The following PXYLP1 variants were observed in gnomAD, a reference collection of about 807,000 sequenced individuals.
PXYLP1 encodes 2-phosphoxylose phosphatase 1, also known as acid phosphatase-like 2.
Under a neutral mutation model 37.9 loss-of-function variants are expected in PXYLP1, and 17 were observed. That is an observed-to-expected ratio of 0.45 (90% CI 0.31 to 0.67). The LOEUF is 0.67. PXYLP1 is among the 30% of genes least tolerant of loss of function. The pLI is 0.07. For synonymous variants in PXYLP1, 221 were observed against 232.2 expected, an observed-to-expected ratio of 0.95 and a Z score of 0.44; for missense variants, 511 against 612.0, an observed-to-expected ratio of 0.84 and a Z score of 1.74.
At chr3:141,276,291 A>G (rs1941793532) in intron 2 of PXYLP1, among the ~76,000 whole-genome samples, 1 of 152,212 alleles carries the variant, frequency 6.6e-6, no homozygotes, top group South Asian at 2.1e-4. Context: ...TTCACACCCC[A>G]TTCCATCCTT....
chr3:141,249,172 C>T (rs1432953335), intron 1 of PXYLP1, among the ~76,000 whole-genome samples: 1 of 152,168 alleles, frequency 6.6e-6, no homozygotes, highest in Non-Finnish European at 1.5e-5. Flanking sequence ...GCAGTGATAA[C>T]AAGCTACAGG....
intron 1 of PXYLP1, among the ~76,000 whole-genome samples, chr3:141,232,774 C>T (rs546275795): frequency 2.0e-5 from 3 of 152,342 alleles, no homozygotes; most frequent in South Asian, 2.1e-4. Flanking sequence ...AAAGGATTCA[C>T]GGTGCAGGAC....
At chr3:141,257,814 G>T (rs113814230) in intron 1 of PXYLP1, among the ~76,000 whole-genome samples, 1 of 143,576 alleles carries the variant, frequency 7.0e-6, no homozygotes, top group Admixed American at 7.6e-5. Context: ...TGAAGCAGGA[G>T]AATCACTTGA....
At chr3:141,274,838 G>C (rs1410504770) in intron 2 of PXYLP1, among the ~76,000 whole-genome samples, 2 of 152,174 alleles carry the variant, frequency 1.3e-5, no homozygotes, top group African/African-American at 4.8e-5. Context: ...CTTCCTGGAG[G>C]AGGTGACCCT....
At position 141,236,920 on chromosome 3, in the gene PXYLP1, G is replaced by T. The variant is rs191272574; in HGVS notation, c.-54+5009G>T. Among the ~76,000 whole-genome samples, 63 of 152,194 alleles carry T rather than the reference G, an allele frequency of 4.1e-4. 2 individuals are homozygous for T. In the East Asian group the frequency reaches 0.012, roughly 28 times the overall value. ...AAGTATAGAAAATTTGGCAAGTATA[G>T]ATTAATAAGTATATAATATTTTATG... On this transcript the variant is annotated intron_variant, in intron 1 of 5. Coordinates refer to ENST00000286353, the MANE Select transcript of PXYLP1 (RefSeq NM_001037172.3).
At chr3:141,238,371 G>C (rs1940709179) in intron 1 of PXYLP1, among the ~76,000 whole-genome samples, 1 of 152,252 alleles carries the variant, frequency 6.6e-6, no homozygotes, top group East Asian at 1.9e-4. Context: ...CCATCACGGA[G>C]CTGGCACGGC....
intron 5 of PXYLP1, among the ~76,000 whole-genome samples, chr3:141,288,182 G>A (rs569591372): frequency 1.3e-5 from 2 of 152,302 alleles, no homozygotes; most frequent in East Asian, 1.9e-4. Flanking sequence ...AGGAACAGGT[G>A]GTCCTTCAAG....
chr3:141,282,698 G>C (rs189153076), intron 4 of PXYLP1, among the ~76,000 whole-genome samples: 2 of 152,372 alleles, frequency 1.3e-5, no homozygotes, highest in African/African-American at 2.4e-5. Context: ...CTGAAACTCA[G>C]AAGTGGCAGC....
chr3:141,274,578 T>A (rs149537925), intron 2 of PXYLP1: 1 of 983,504 alleles, frequency 1.0e-6, no homozygotes, highest in African/African-American at 1.6e-5. Context: ...GTCAATGAGA[T>A]ATTTCATCAA....
At chr3:141,286,171 T>C (rs1242012384) in intron 4 of PXYLP1, among the ~76,000 whole-genome samples, 1 of 152,196 alleles carries the variant, frequency 6.6e-6, no homozygotes, top group African/African-American at 2.4e-5. Context: ...TATACATTCA[T>C]AGGCTACTTC....
Position 141,294,344 on chromosome 3 carries a change from A to G in PXYLP1, c.*1139A>G, listed in dbSNP as rs1425557252. ...TTTGACAAGCTGTAGAACTGGATTCATTTTTAAACCATTTTCATCAGTTTC... is the reference window on the plus strand; with the variant it reads ...TTTGACAAGCTGTAGAACTGGATTCGTTTTTAAACCATTTTCATCAGTTTC... On this transcript the variant is annotated 3_prime_UTR_variant, in exon 6 of 6. Transcript: ENST00000286353. The G allele has an allele frequency of 6.6e-6, 1 of 152,180 alleles. No homozygotes were observed. Among genetic ancestry groups the G allele is most frequent in the African/African-American group, 2.4e-5 (1 of 41,458 alleles). The allele number at this position is 152,180 out of a possible 1,614,324, so 9.4% of individuals were successfully genotyped here.
chr3:141,286,645 G>A (rs1406682578), intron 4 of PXYLP1, among the ~76,000 whole-genome samples: 1 of 144,538 alleles, frequency 6.9e-6, no homozygotes, highest in African/African-American at 2.8e-5. Context: ...GTACCAGGGC[G>A]AGGCCAGAAT....
intron 4 of PXYLP1, among the ~76,000 whole-genome samples, chr3:141,285,144 CTTTTTT>C (rs147495598): frequency 6.3e-5 from 5 of 78,798 alleles, no homozygotes; most frequent in African/African-American, 1.7e-4. Context: ...TTTTCTTTTT[CTTTTTT>C]TTTTTTTTTT....
chr3:141,273,600 G>A, intron 2 of PXYLP1: 1 of 985,400 alleles, frequency 1.0e-6, no homozygotes, highest in Non-Finnish European at 1.2e-6. Flanking sequence ...TTTTGAGAGG[G>A]AGGGTCCCAA....
At chr3:141,243,079 A>G (rs1008603391) in intron 1 of PXYLP1, among the ~76,000 whole-genome samples, 2 of 152,188 alleles carry the variant, frequency 1.3e-5, no homozygotes, top group Admixed American at 6.5e-5. Context: ...GGGAGGGACC[A>G]TGAGCTGTGA....
At chr3:141,278,269 C>T in intron 2 of PXYLP1, 73 bp from the exon 3 acceptor site, 1 of 1,547,314 alleles carries the variant, frequency 6.5e-7, no homozygotes, top group Non-Finnish European at 8.9e-7. Flanking sequence ...TGAAATCCAG[C>T]CCTGCGCTGG....
rs374915833 is a variant in PXYLP1 at position 141,281,475 on chromosome 3, C to T, written c.365+1971C>T. On this transcript the variant is annotated intron_variant, in intron 4 of 5. Coordinates refer to ENST00000286353, the MANE Select transcript of PXYLP1 (RefSeq NM_001037172.3). ...CTCAGCACATTTACAGAGACAGGCC[C>T]GGTGCCCAGGACACGGCAGCCCTCA... Among the ~76,000 whole-genome samples the T allele has an allele frequency of 2.2e-4, 34 of 152,278 alleles. No individual in the cohort carries two copies. In the South Asian group the frequency reaches 2.5e-3, roughly 11 times the overall value.
chr3:141,235,250 A>G (rs994083828), intron 1 of PXYLP1: 2 of 152,274 alleles, frequency 1.3e-5, no homozygotes, highest in African/African-American at 4.8e-5. Flanking sequence ...CTTGAAAGCC[A>G]GCTGAGACTT....
At chr3:141,246,711 AG>A (rs1161611021) in intron 1 of PXYLP1, among the ~76,000 whole-genome samples, 7 of 152,202 alleles carry the variant, frequency 4.6e-5, no homozygotes, top group African/African-American at 1.7e-4. Context: ...ATACATGTAT[AG>A]GGAGCAAGAC....
Sources: allele counts gnomAD v4.1 joint callset (sites outside exome capture counted in the v4.1 genomes callset), GRCh38; gene constraint gnomAD v4.1.1; transcripts MANE v1.5; gene names NCBI Gene and HGNC (gene_info 2026-07-23, HGNC 2026-07-21).